The following BAZ1B variants were observed in gnomAD, a reference collection of about 807,000 sequenced individuals.
The protein encoded by BAZ1B is tyrosine-protein kinase BAZ1B.
BAZ1B carries 22 observed loss-of-function variants against 153.8 expected under a neutral mutation model. That is an observed-to-expected ratio of 0.14 (90% confidence interval 0.10 to 0.20). The LOEUF is 0.20. Among genes scored for constraint, BAZ1B ranks in the 10% least tolerant of loss-of-function variants. BAZ1B has a pLI of 1.00. For synonymous variants in BAZ1B, 676 were observed against 633.4 expected (o/e 1.07, Z -1.01); for missense variants, 1,325 against 1,799.3 (o/e 0.74, Z 4.77).
At chr7:73,460,596 T>C (rs1468479467) in intron 12 of BAZ1B, among the ~76,000 whole-genome samples, 1 of 152,190 alleles carries the variant, frequency 6.6e-6, no homozygotes, top group East Asian at 1.9e-4. Context: ...GTGATCCTCC[T>C]GCCTCAGCCT....
chr7:73,455,613 TCTATAA>T (rs1788166717), intron 13 of BAZ1B, among the ~76,000 whole-genome samples: 1 of 152,030 alleles, frequency 6.6e-6, no homozygotes, highest in Non-Finnish European at 1.5e-5. Flanking sequence ...AGGCCCCGTC[TCTATAA>T]AAAATTTAAA....
chr7:73,447,284 T>A lies in BAZ1B; in HGVS notation c.3824A>T (p.Tyr1275Phe). 1 of 1,613,970 alleles carries A rather than the reference T, an allele frequency of 6.2e-7. No individual in the cohort carries two copies. The highest frequency in any genetic ancestry group is 8.5e-7 in the Non-Finnish European group (1 of 1,179,948). Reference sequence around the variant, plus strand: ...CTTACATCGCAAACCAGCCACCTCATAATCTTCTTCCTCCTCCTCCTCTTC... The same window carrying A: ...CTTACATCGCAAACCAGCCACCTCAAAATCTTCTTCCTCCTCCTCCTCTTC... Reference protein sequence around the residue: ...EEEEEEEEEDYEVAGLRLRPR... With the variant: ...EEEEEEEEEDFEVAGLRLRPR... Residue 1275 changes from tyrosine to phenylalanine, a missense_variant, in exon 16 of 20, where the codon TAT becomes TTT. Tyr to Phe is a conservative substitution (Grantham distance 22). Transcript: ENST00000339594.
At chr7:73,444,209 C>T in intron 16 of BAZ1B, 80 bp from the exon 17 acceptor site, 1 of 1,436,170 alleles carries the variant, frequency 7.0e-7, no homozygotes, top group Non-Finnish European at 9.3e-7. Flanking sequence ...GAAAGGGATG[C>T]AGGGAGAATC....
rs371849438 is a variant in BAZ1B at position 73,489,405 on chromosome 7, A to G, written c.694-14T>C. The G allele has an allele frequency of 3.6e-5, 58 of 1,613,376 alleles. No individual in the cohort carries two copies. The highest frequency in any genetic ancestry group is 2.3e-4 in the Admixed American group (14 of 59,996). On this transcript the variant is annotated splice_polypyrimidine_tract_variant and intron_variant, in intron 5 of 19. Transcript: ENST00000339594. The stretch of plus-strand genomic sequence containing the variant: ...GTTACTGATGATCTAGGTTAAAAAG[A>G]AACAAATAACTCACCACTGGGGTAA...
Position 73,469,614 on chromosome 7 carries a change from G to A in BAZ1B, c.2769C>T (p.Phe923=). The A allele has an allele frequency of 6.2e-7, 1 of 1,614,074 alleles. No homozygotes were observed. The highest frequency in any genetic ancestry group is 1.3e-5 in the African/African-American group (1 of 75,014). Residue 923 remains phenylalanine, a synonymous_variant, in exon 9 of 20, where the codon TTC becomes TTT. Transcript: ENST00000339594. ...WLFSDEVPGL[F]IEKGWVHDSI... is the part of the protein sequence containing the mutation. ...TGTCATGTACCCAGCCTTTTTCAAT[G>A]AATAATCCTGGAACTTCATCTGAGA...
intron 18 of BAZ1B, 66 bp downstream of exon 18, chr7:73,442,659 G>T: frequency 6.4e-7 from 1 of 1,563,364 alleles, no homozygotes. Context: ...CCCCTCAGGG[G>T]CTCTGGAAGC....
intron 1 of BAZ1B, among the ~76,000 whole-genome samples, chr7:73,515,081 C>A (rs1165628577): frequency 1.3e-5 from 2 of 151,934 alleles, no homozygotes; most frequent in Non-Finnish European, 2.9e-5. Flanking sequence ...CAAAAAAAAA[C>A]AAAAAACCTC....
chr7:73,513,889 CTG>C (rs1452000354), intron 1 of BAZ1B, among the ~76,000 whole-genome samples: 1 of 151,916 alleles, frequency 6.6e-6, no homozygotes, highest in East Asian at 1.9e-4. Context: ...AAAAAACTCA[CTG>C]TGTCATCAGA....
At chr7:73,459,199 G>C (rs1340709473) in intron 13 of BAZ1B, among the ~76,000 whole-genome samples, 1 of 150,594 alleles carries the variant, frequency 6.6e-6, no homozygotes, top group Non-Finnish European at 1.5e-5. Context: ...AGTGAGCTGA[G>C]ATTGCACCAC....
intron 12 of BAZ1B, among the ~76,000 whole-genome samples, chr7:73,461,549 A>G (rs924383027): frequency 6.6e-6 from 1 of 152,206 alleles, no homozygotes; most frequent in Non-Finnish European, 1.5e-5. Flanking sequence ...GGGTTCAATA[A>G]TTCTTTTTAA....
intron 6 of BAZ1B, among the ~76,000 whole-genome samples, chr7:73,486,970 A>G (rs1789435857): frequency 6.6e-6 from 1 of 152,362 alleles, no homozygotes; most frequent in East Asian, 1.9e-4. Flanking sequence ...CATGTCAGAT[A>G]GTATTAGGAA....
At position 73,441,539 on chromosome 7, in the gene BAZ1B, T is replaced by G. The variant is rs565184332; in HGVS notation, c.*170A>C. The G allele has an allele frequency of 1.3e-5, 2 of 152,082 alleles. No individual in the cohort carries two copies. Among genetic ancestry groups the G allele is most frequent in the African/African-American group, 2.4e-5 (1 of 41,342 alleles). The allele number at this position is 152,082 out of a possible 1,614,324, so 9.4% of individuals were successfully genotyped here. The stretch of plus-strand genomic sequence containing the variant: ...TGTTTTTTGTGGTTTTTTTATTTTT[T>G]GGGGGGGTGGGAGGAGCTGTCACAA... On this transcript the variant is annotated 3_prime_UTR_variant, in exon 20 of 20. Coordinates refer to ENST00000339594, the MANE Select transcript of BAZ1B (RefSeq NM_032408.4).
At chr7:73,520,014 C>G (rs1326015509) in intron 1 of BAZ1B, among the ~76,000 whole-genome samples, 1 of 152,078 alleles carries the variant, frequency 6.6e-6, no homozygotes, top group African/African-American at 2.4e-5. Flanking sequence ...TTGAGACCAG[C>G]CTGGCCAACA....
chr7:73,481,010 T>TCC (rs547430709), intron 6 of BAZ1B, among the ~76,000 whole-genome samples: 1,695 of 152,212 alleles, frequency 0.011, 15 homozygotes, highest in South Asian at 0.021. Context: ...CACTGCAACC[T>TCC]CCACCTCCCA....
chr7:73,483,509 T>G (rs1021735835), intron 6 of BAZ1B, among the ~76,000 whole-genome samples: 10 of 152,246 alleles, frequency 6.6e-5, no homozygotes, highest in Non-Finnish European at 1.3e-4. Context: ...TTTGTTACTA[T>G]AAAATATATT....
chr7:73,478,414 C>A lies in BAZ1B; in HGVS notation c.1047G>T (p.Ser349=), dbSNP rs548629322. The change falls in exon 7 of 20, where the codon TCG becomes TCT. Residue 349 remains serine, a synonymous_variant. Transcript: ENST00000339594. ...TCTTTGAGTTCTTCACTTTGAGTGG[C>A]GAGCCACTCAATGACTTCTTCAAGT... ...HVHLKKSLSG[S]PLKVKNSKNS... 222 of 1,608,832 alleles carry A rather than the reference C, an allele frequency of 1.4e-4. No homozygotes were observed. The highest frequency in any genetic ancestry group is 2.5e-5 in the Non-Finnish European group (29 of 1,178,416).
At chr7:73,489,578 G>C (rs940936957) in intron 5 of BAZ1B, among the ~76,000 whole-genome samples, 187 bp from the exon 6 acceptor site, 1 of 152,164 alleles carries the variant, frequency 6.6e-6, no homozygotes, top group Non-Finnish European at 1.5e-5. Flanking sequence ...AACTCAGGAG[G>C]CCAAGGTATA....
intron 1 of BAZ1B, among the ~76,000 whole-genome samples, chr7:73,520,209 T>TTA (rs1554579925): frequency 1.8e-5 from 2 of 108,876 alleles, no homozygotes; most frequent in African/African-American, 7.5e-5. Flanking sequence ...AAACTCCGTC[T>TTA]CAAAAAAAAA....
At chr7:73,476,709 C>G (rs116790051) in intron 7 of BAZ1B, among the ~76,000 whole-genome samples, 159 bp downstream of exon 7, 2,221 of 152,268 alleles carry the variant, frequency 0.015, 57 homozygotes, top group African/African-American at 0.051. Context: ...ATGAAATTAT[C>G]AACAGAACTA....
Sources: gnomAD v4.1 joint callset for allele counts (sites outside exome capture counted in the v4.1 genomes callset) on GRCh38, gnomAD v4.1.1 for gene constraint, MANE v1.5 for transcripts, NCBI Gene and HGNC (gene_info 2026-07-23, HGNC 2026-07-21) for gene names.